SGCD: variants seen among roughly 807,000 people sequenced by gnomAD.
The protein encoded by SGCD is sarcoglycan delta, also known as delta-sarcoglycan.
A neutral mutation model predicts 36.6 loss-of-function variants in SGCD; 18 were observed. The observed-to-expected ratio is 0.49, with a 90% CI of 0.34 to 0.73. SGCD has a LOEUF of 0.73. Ranked by LOEUF, SGCD falls within the 30% of genes least tolerant of loss-of-function variation. The pLI, the probability that SGCD is intolerant of heterozygous loss-of-function variation, is 0.01. For missense variants in SGCD, 387 were observed against 346.7 expected (o/e 1.12, Z -0.92); for synonymous variants, 133 against 130.6 (o/e 1.02, Z -0.12).
chr5:156,252,367 G>A (rs1256875831), intron 3 of SGCD, among the ~76,000 whole-genome samples: 3 of 152,060 alleles, frequency 2.0e-5, no homozygotes, highest in Non-Finnish European at 2.9e-5. Context: ...GTGAGCCACT[G>A]TGCCTGGCGA....
chr5:156,289,461 C>T (rs1399777239), intron 3 of SGCD, among the ~76,000 whole-genome samples: 4 of 151,860 alleles, frequency 2.6e-5, no homozygotes, highest in African/African-American at 7.3e-5. Context: ...CTACCTCCAC[C>T]CCTCACCCCC....
At chr5:156,356,849 C>G (rs568158544) in intron 3 of SGCD, among the ~76,000 whole-genome samples, 1 of 152,024 alleles carries the variant, frequency 6.6e-6, no homozygotes, top group Non-Finnish European at 1.5e-5. Flanking sequence ...AAATTTGACA[C>G]AGAAGAGGAG....
At chr5:156,005,594 G>A (rs1264626367) in intron 1 of SGCD, among the ~76,000 whole-genome samples, 1 of 152,088 alleles carries the variant, frequency 6.6e-6, no homozygotes, top group African/African-American at 2.4e-5. Flanking sequence ...GGGACTACAG[G>A]CGCCTGCCGC....
At chr5:156,432,794 C>A (rs924068613) in intron 3 of SGCD, among the ~76,000 whole-genome samples, 6 of 152,144 alleles carry the variant, frequency 3.9e-5, no homozygotes, top group Non-Finnish European at 2.9e-5. Flanking sequence ...GTTGGTGAAG[C>A]TGGTCTAACT....
chr5:156,527,242 A>G (rs13174661), intron 4 of SGCD, among the ~76,000 whole-genome samples: 1 of 152,250 alleles, frequency 6.6e-6, no homozygotes, highest in African/African-American at 2.4e-5. Flanking sequence ...AGAAGTACAT[A>G]CAGTAACATA....
At chr5:156,298,258 C>A (rs1044004230) in intron 3 of SGCD, among the ~76,000 whole-genome samples, 1 of 152,120 alleles carries the variant, frequency 6.6e-6, no homozygotes, top group African/African-American at 2.4e-5. Context: ...ATACTAATTT[C>A]ATTTCCTTTG....
At chr5:156,639,044 A>G (rs999376839) in intron 6 of SGCD, among the ~76,000 whole-genome samples, 13 of 152,012 alleles carry the variant, frequency 8.6e-5, no homozygotes, top group African/African-American at 3.1e-4. Context: ...CTTTTATCAT[A>G]ATAAAATATA....
intron 1 of SGCD, among the ~76,000 whole-genome samples, chr5:155,873,836 C>A (rs2113280657): frequency 6.6e-6 from 1 of 152,248 alleles, no homozygotes; most frequent in South Asian, 2.1e-4. Context: ...AGGCAGAAAA[C>A]AACTTATCCA....
intron 3 of SGCD, among the ~76,000 whole-genome samples, chr5:156,207,486 C>G (rs566450998): frequency 2.0e-5 from 3 of 152,206 alleles, no homozygotes; most frequent in East Asian, 3.9e-4. Flanking sequence ...TCTTTGCTGT[C>G]TACATTTAAC....
intron 3 of SGCD, among the ~76,000 whole-genome samples, chr5:156,502,473 T>G (rs1308387983): frequency 2.0e-5 from 3 of 152,216 alleles, no homozygotes; most frequent in Non-Finnish European, 2.9e-5. Flanking sequence ...TAGCTGGGAC[T>G]ACAGGTATAT....
chr5:156,408,723 T>A (rs1247434866), intron 3 of SGCD, among the ~76,000 whole-genome samples: 2 of 152,200 alleles, frequency 1.3e-5, no homozygotes, highest in East Asian at 3.9e-4. Context: ...TGTCCCCTTT[T>A]TCCTCTGTCT....
chr5:156,187,779 G>T (rs1763798980), intron 3 of SGCD, among the ~76,000 whole-genome samples: 1 of 152,156 alleles, frequency 6.6e-6, no homozygotes, highest in African/African-American at 2.4e-5. Flanking sequence ...GAACTGGCCA[G>T]AGATGATGTA....
chr5:156,267,477 A>G (rs1345076693), intron 3 of SGCD, among the ~76,000 whole-genome samples: 9 of 152,190 alleles, frequency 5.9e-5, no homozygotes, highest in Non-Finnish European at 1.3e-4. Flanking sequence ...TCTGTGCTTG[A>G]TAATTCTGAC....
At chr5:156,193,767 T>C (rs1458557679) in intron 3 of SGCD, among the ~76,000 whole-genome samples, 1 of 152,218 alleles carries the variant, frequency 6.6e-6, no homozygotes, top group African/African-American at 2.4e-5. Flanking sequence ...TCTGTACCTA[T>C]TCTGATTCAT....
rs185182547 is a variant in SGCD at position 156,163,683 on chromosome 5, G to A, written c.-44+39664G>A. On this transcript the variant is annotated intron_variant, in intron 3 of 9. Transcript: ENST00000517913. ...CTCAACAGGCACTCAGAAATGACAC[G>A]AACTGATTTCTGGTTTTGGAATCTA... is the stretch of plus-strand genomic sequence containing the variant. Among the ~76,000 whole-genome samples, 21 of 151,486 alleles carry A rather than the reference G, an allele frequency of 1.4e-4. No individual in the cohort carries two copies. The East Asian group carries it at 3.7e-3, about 27-fold the overall frequency.
chr5:156,325,963 C>A (rs957104256), upstream of SGCD, among the ~76,000 whole-genome samples: 2 of 152,210 alleles, frequency 1.3e-5, no homozygotes, highest in African/African-American at 4.8e-5. Flanking sequence ...AACATCCCCT[C>A]AAGAACATAC....
intron 1 of SGCD, among the ~76,000 whole-genome samples, chr5:156,000,593 G>T (rs943664420): frequency 1.3e-5 from 2 of 151,968 alleles, no homozygotes; most frequent in Non-Finnish European, 1.5e-5. Context: ...CATAAAATCT[G>T]CCCTATTGTT....
intron 4 of SGCD, among the ~76,000 whole-genome samples, chr5:156,545,481 G>T (rs902899027): frequency 1.9e-4 from 29 of 151,974 alleles, no homozygotes; most frequent in African/African-American, 6.0e-4. Flanking sequence ...AGTCGGGGTT[G>T]GGGGATGAGG....
intron 7 of SGCD, among the ~76,000 whole-genome samples, chr5:156,734,360 G>A (rs1756239331): frequency 6.6e-6 from 1 of 151,680 alleles, no homozygotes. Context: ...ATGTGTCTTA[G>A]GGATGATTTT....
Sources: gnomAD v4.1 joint callset for allele counts (sites outside exome capture counted in the v4.1 genomes callset) on GRCh38, gnomAD v4.1.1 for gene constraint, MANE v1.5 for transcripts, NCBI Gene and HGNC (gene_info 2026-07-23, HGNC 2026-07-21) for gene names.